COL7A1: variants seen among roughly 807,000 people sequenced by gnomAD.
The protein encoded by COL7A1 is collagen alpha-1(VII) chain.
COL7A1 carries 296 observed loss-of-function variants against 456.2 expected under a neutral mutation model. The observed-to-expected ratio is 0.65, with a 90% CI of 0.59 to 0.71. The LOEUF is 0.71. Among genes scored for constraint, COL7A1 ranks in the 30% least tolerant of loss-of-function variants. The pLI, the probability that COL7A1 is intolerant of heterozygous loss-of-function variation, is 0.00. For missense variants in COL7A1, 3,441 were observed against 4,017.2 expected (o/e 0.86, Z 3.88); for synonymous variants, 1,464 against 1,525.9 (o/e 0.96, Z 0.95).
In COL7A1 at chr3:48,571,191, C is replaced by G. The variant is rs750652908; in HGVS notation, c.7105-31G>C. The G allele has an allele frequency of 1.9e-6, 3 of 1,614,112 alleles. No individual in the cohort carries two copies. The highest frequency in any genetic ancestry group is 2.5e-6 in the Non-Finnish European group (3 of 1,180,030). Reference sequence around the variant, plus strand: ...AGGAAAAGAGGCATCGGATCAAGCTCAGGGAGTCTCACGACCAGGACCCCA... The same window carrying G: ...AGGAAAAGAGGCATCGGATCAAGCTGAGGGAGTCTCACGACCAGGACCCCA... On this transcript the variant is annotated intron_variant, in intron 93 of 118. Transcript: ENST00000681320. The surrounding 1 kb of genome is among the most constrained non-coding windows in gnomAD (Gnocchi z 4.6).
Position 48,569,298 on chromosome 3 carries a change from C to T in COL7A1, c.7686+77G>A, listed in dbSNP as rs2043766261. On this transcript the variant is annotated intron_variant, in intron 103 of 118. Transcript: ENST00000681320. This position sits in a 1 kb window ranked among gnomAD's most constrained non-coding sequence, Gnocchi z 4.9. ...CCAGAAAGCCTCCTCCTGTCCTCCC[C>T]TCCTGCCCTCACAGATGCTGTGGAA... 1 of 1,560,116 alleles carries T rather than the reference C, an allele frequency of 6.4e-7. No homozygotes were observed. The highest frequency in any genetic ancestry group is 8.8e-7 in the Non-Finnish European group (1 of 1,131,060).
Position 48,590,391 on chromosome 3 carries a change from C to T in COL7A1, c.1907-35G>A, listed in dbSNP as rs370933712. ...GAGGGAAATGCTGGCATGGCTCCTG[C>T]CTGTCCCCTCTGGCACCCATACCCT... is the stretch of plus-strand genomic sequence containing the variant. On this transcript the variant is annotated intron_variant, in intron 15 of 118. Coordinates refer to ENST00000681320, the MANE Select transcript of COL7A1 (RefSeq NM_000094.4). The surrounding 1 kb of genome is among the most constrained non-coding windows in gnomAD (Gnocchi z 4.6). 3.2e-5 allele frequency: 52 copies of T among 1,613,954 alleles called. No homozygotes were observed. The highest frequency in any genetic ancestry group is 4.2e-5 in the Non-Finnish European group (49 of 1,180,004).
chr3:48,580,596 T>A lies in COL7A1; in HGVS notation c.5037A>T (p.Gly1679=), dbSNP rs1215684759. The change falls in exon 55 of 119, where the codon GGA becomes GGT. Residue 1679 remains glycine, a synonymous_variant. Transcript: ENST00000681320. The surrounding 1 kb of genome is among the most constrained non-coding windows in gnomAD (Gnocchi z 4.5). ...TGGGACTCACATTTCGTCCATCCTC[T>A]CCAGGATCTCCCTGGTCTCCCTTTT... is the stretch of plus-strand genomic sequence containing the variant. ...VGEKGDQGDP[G]EDGRNGSPGS... 2.5e-6 allele frequency: 4 copies of A among 1,613,762 alleles called. No individual in the cohort carries two copies. In the African/African-American group the frequency reaches 5.3e-5, roughly 22 times the overall value.
At position 48,585,225 on chromosome 3, in the gene COL7A1, A is replaced by C; in HGVS notation, c.3895-109T>G. The C allele has an allele frequency of 9.2e-7, 1 of 1,081,936 alleles. No homozygotes were observed. Among genetic ancestry groups the C allele is most frequent in the South Asian group, 1.3e-5 (1 of 74,810 alleles). The allele number at this position is 1,081,936 out of a possible 1,614,324, so 67.0% of individuals were successfully genotyped here. A position where few individuals can be genotyped will look rare whatever the true frequency, so the allele number is the denominator to read the frequency against. On this transcript the variant is annotated intron_variant, in intron 32 of 118. Transcript: ENST00000681320. The surrounding 1 kb of genome is among the most constrained non-coding windows in gnomAD (Gnocchi z 4.5). ...GGGGTCGCCTACCCCACTGACCCCC[A>C]AGTGTTATTGGGGGTGGAACAGTGA...
rs375848391 is a variant in COL7A1, at chr3:48,569,562, G to A, written c.7614+30C>T. 17 of 1,613,542 alleles carry A rather than the reference G, an allele frequency of 1.1e-5. No individual in the cohort carries two copies. The highest frequency in any genetic ancestry group is 1.4e-5 in the Non-Finnish European group (16 of 1,179,794). The stretch of plus-strand genomic sequence containing the variant: ...CACGGGGTCCCTCTCGCACCCAGGG[G>A]AGACCCAGTCCACACGTGGGCCCAC... On this transcript the variant is annotated intron_variant, in intron 102 of 118. Coordinates refer to ENST00000681320, the MANE Select transcript of COL7A1 (RefSeq NM_000094.4). This position sits in a 1 kb window ranked among gnomAD's most constrained non-coding sequence, Gnocchi z 4.9.
chr3:48,568,990 G>A lies in COL7A1; in HGVS notation c.7687-135C>T. ...CTAGCAGCACGTCCTCCCAGCCTGT[G>A]CCATAGCGGGTGGAACTGGGGGCTG... On this transcript the variant is annotated intron_variant, in intron 103 of 118. Transcript: ENST00000681320. The surrounding 1 kb of genome is among the most constrained non-coding windows in gnomAD (Gnocchi z 5.2). The A allele has an allele frequency of 1.2e-6, 1 of 849,004 alleles. No individual in the cohort carries two copies. The highest frequency in any genetic ancestry group is 1.5e-5 in the South Asian group (1 of 68,312). The allele number at this position is 849,004 out of a possible 1,614,324, so 52.6% of individuals were successfully genotyped here.
chr3:48,578,401 C>T lies in COL7A1; in HGVS notation c.5488-36G>A, dbSNP rs112974191. 4.2e-5 allele frequency: 67 copies of T among 1,613,442 alleles called. No individual in the cohort carries two copies. The African/African-American group carries it at 4.8e-4, about 12-fold the overall frequency. On this transcript the variant is annotated intron_variant, in intron 64 of 118. Coordinates refer to ENST00000681320, the MANE Select transcript of COL7A1 (RefSeq NM_000094.4). This position sits in a 1 kb window ranked among gnomAD's most constrained non-coding sequence, Gnocchi z 4.7. ...AGATCACTGGTTGGATGTCGGGGAT[C>T]GGGTGAGGGTAGTAAGGGGGAAAAG...
At chr3:48,589,886 C>A (rs1368911581) in intron 16 of COL7A1, among the ~76,000 whole-genome samples, 168 bp from the exon 17 acceptor site, 1 of 151,994 alleles carries the variant, frequency 6.6e-6, no homozygotes, top group South Asian at 2.1e-4. Flanking sequence ...AAGCAGTGAG[C>A]AGGTCTGATG....
rs1560211389 is a variant in COL7A1, at chr3:48,573,744, GTC to G, written c.6538-21_6538-20del. 1 of 1,613,792 alleles carries G rather than the reference GTC, an allele frequency of 6.2e-7. No individual in the cohort carries two copies. The highest frequency in any genetic ancestry group is 8.5e-7 in the Non-Finnish European group (1 of 1,179,902). On this transcript the variant is annotated intron_variant, in intron 81 of 118. Transcript: ENST00000681320. This position sits in a 1 kb window ranked among gnomAD's most constrained non-coding sequence, Gnocchi z 5.5. ...GACCACCCTGTTGTGGCGAAAAAGA[GTC>G]TGATGAGGGGGAGTTAGCCGCACCC...
Position 48,595,057 on chromosome 3 carries a change from C to A in COL7A1, c.85+18G>T. ...ACGGTGCAGTGCCCCGGGCCGGGTC[C>A]TCCCTTGCGGTGCCCACCTCTCTCC... On this transcript the variant is annotated intron_variant, in intron 2 of 118. Coordinates refer to ENST00000681320, the MANE Select transcript of COL7A1 (RefSeq NM_000094.4). The A allele has an allele frequency of 6.5e-7, 1 of 1,543,444 alleles. No homozygotes were observed.
intron 18 of COL7A1, 143 bp from the exon 19 acceptor site, chr3:48,589,138 T>C (rs2045510078): frequency 1.3e-6 from 2 of 1,496,472 alleles, no homozygotes; most frequent in East Asian, 4.6e-5. Flanking sequence ...AGGAGGTCAG[T>C]GCCTTGGGGT....
Position 48,579,503 on chromosome 3 carries a change from A to G in COL7A1, c.5248T>C (p.Phe1750Leu), listed in dbSNP as rs2107698949. 6.2e-7 allele frequency: 1 copy of G among 1,613,946 alleles called. No homozygotes were observed. Among genetic ancestry groups the G allele is most frequent in the Non-Finnish European group, 8.5e-7 (1 of 1,179,980 alleles). ...ACCTGTGGGCCTGGGGGTCCCCGAA[A>G]CCCTTCAATGCCCTGAGGATAGGGG... ...GAPGERGIEG[F>L]RGPPGPQGDP... Residue 1750 changes from phenylalanine (F) to leucine (L), a missense_variant, in exon 60 of 119, where the codon TTT (phenylalanine) becomes CTT (leucine). Phe to Leu is a conservative substitution (Grantham distance 22). Around this residue, in one of 3 missense-constraint regions of COL7A1, gnomAD observed 2,084 missense variants for 2,501.3 expected, o/e 0.83. Coordinates refer to ENST00000681320, the MANE Select transcript of COL7A1 (RefSeq NM_000094.4). The surrounding 1 kb of genome is among the most constrained non-coding windows in gnomAD (Gnocchi z 4.4).
Position 48,565,298 on chromosome 3 carries a change from G to C in COL7A1, c.8528-97C>G. 6.7e-7 allele frequency: 1 copy of C among 1,482,652 alleles called. No homozygotes were observed. The highest frequency in any genetic ancestry group is 1.4e-5 in the African/African-American group (1 of 72,234). The allele number at this position is 1,482,652 out of a possible 1,614,324, so 91.8% of individuals were successfully genotyped here. A position where few individuals can be genotyped will look rare whatever the true frequency, so the allele number is the denominator to read the frequency against. On this transcript the variant is annotated intron_variant, in intron 116 of 118. Transcript: ENST00000681320. This position sits in a 1 kb window ranked among gnomAD's most constrained non-coding sequence, Gnocchi z 4.5. Reference sequence around the variant, plus strand: ...CACTGTGTGCACACAGTGCCCATGCGTGTGCCCTGCATGCAGACCCTACGT... The same window carrying C: ...CACTGTGTGCACACAGTGCCCATGCCTGTGCCCTGCATGCAGACCCTACGT...
At position 48,591,834 on chromosome 3, in the gene COL7A1, C is replaced by T. The variant is rs757349308; in HGVS notation, c.1358-12G>A. ...CGGTGGCTCCAAGCCTGCAAGATAA[C>T]AGGGTCAGACCAGCAGAGGCCATGC... On this transcript the variant is annotated splice_polypyrimidine_tract_variant and intron_variant, in intron 11 of 118. Coordinates refer to ENST00000681320, the MANE Select transcript of COL7A1 (RefSeq NM_000094.4). This position sits in a 1 kb window ranked among gnomAD's most constrained non-coding sequence, Gnocchi z 7.0. 1.7e-5 allele frequency: 27 copies of T among 1,614,072 alleles called. No homozygotes were observed. Among genetic ancestry groups the T allele is most frequent in the East Asian group, 1.3e-4 (6 of 44,902 alleles).
At position 48,570,356 on chromosome 3, in the gene COL7A1, G is replaced by A; in HGVS notation, c.7381-22C>T. ...CTCCCTGGAGACCAACAGGACACCG[G>A]GGATCAGTGAGGGGAATCAGTGGGG... On this transcript the variant is annotated intron_variant, in intron 97 of 118. Transcript: ENST00000681320. This position sits in a 1 kb window ranked among gnomAD's most constrained non-coding sequence, Gnocchi z 5.5. 1 of 1,614,080 alleles carries A rather than the reference G, an allele frequency of 6.2e-7. No individual in the cohort carries two copies. Among genetic ancestry groups the A allele is most frequent in the African/African-American group, 1.3e-5 (1 of 75,012 alleles).
Position 48,573,410 on chromosome 3 carries a change from C to T in COL7A1, c.6619-62G>A. The T allele has an allele frequency of 6.2e-7, 1 of 1,613,858 alleles. No individual in the cohort carries two copies. The highest frequency in any genetic ancestry group is 8.5e-7 in the Non-Finnish European group (1 of 1,179,820). ...CGTGGCCAGGGCTCCTGGAGCTCATCCTCATTGCAGGAGATGACAGCCCAG... is the reference window on the plus strand; with the variant it reads ...CGTGGCCAGGGCTCCTGGAGCTCATTCTCATTGCAGGAGATGACAGCCCAG... On this transcript the variant is annotated intron_variant, in intron 83 of 118. Transcript: ENST00000681320. The surrounding 1 kb of genome is among the most constrained non-coding windows in gnomAD (Gnocchi z 5.5).
Position 48,574,154 on chromosome 3 carries a change from G to A in COL7A1, c.6501+108C>T. On this transcript the variant is annotated intron_variant, in intron 80 of 118. Coordinates refer to ENST00000681320, the MANE Select transcript of COL7A1 (RefSeq NM_000094.4). This position sits in a 1 kb window ranked among gnomAD's most constrained non-coding sequence, Gnocchi z 5.0. ...GCAGGCACACACAGAGAGGCACACA[G>A]ACACAGGTACACACAAACACACACA... 7.1e-7 allele frequency: 1 copy of A among 1,407,698 alleles called. No homozygotes were observed. The highest frequency in any genetic ancestry group is 1.0e-6 in the Non-Finnish European group (1 of 1,001,232). 87.2% of individuals were successfully genotyped at this position (1,407,698 alleles called of 1,614,324 possible).
At position 48,581,229 on chromosome 3, in the gene COL7A1, C is replaced by T. The variant is rs370500985; in HGVS notation, c.4899+31G>A. ...CTGGCAACAGCCCTACTCCCTTACC[C>T]GCCATGACTCCCCCGACTCCAGCCT... is the stretch of plus-strand genomic sequence containing the variant. On this transcript the variant is annotated intron_variant, in intron 52 of 118. Transcript: ENST00000681320. The surrounding 1 kb of genome is among the most constrained non-coding windows in gnomAD (Gnocchi z 5.8). 2.5e-5 allele frequency: 40 copies of T among 1,612,124 alleles called. No homozygotes were observed. The highest frequency in any genetic ancestry group is 2.9e-5 in the Non-Finnish European group (34 of 1,179,312).
In COL7A1 at chr3:48,587,297, C is replaced by T; in HGVS notation, c.3032G>A (p.Ser1011Asn). The stretch of plus-strand genomic sequence containing the variant: ...CTCTAGCCCTGTCACCCGCTGGGAG[C>T]TTGAGATCCCTGGAAGTGTCTGCGG... ...GSPQTLPGIS[S>N]SQRVTGLEPG... is the part of the protein sequence containing the mutation. Residue 1011 changes from serine to asparagine, a missense_variant, in exon 24 of 119, where the codon AGC becomes AAC. By Grantham distance (46) the Ser-to-Asn change is conservative (BLOSUM62 1). Coordinates refer to ENST00000681320, the MANE Select transcript of COL7A1 (RefSeq NM_000094.4). The surrounding 1 kb of genome is among the most constrained non-coding windows in gnomAD (Gnocchi z 6.1). 6.2e-7 allele frequency: 1 copy of T among 1,604,892 alleles called. No homozygotes were observed. Among genetic ancestry groups the T allele is most frequent in the Non-Finnish European group, 8.5e-7 (1 of 1,175,568 alleles).
Sources: allele counts gnomAD v4.1 joint callset (sites outside exome capture counted in the v4.1 genomes callset), GRCh38; gene constraint gnomAD v4.1.1; regional missense constraint gnomAD v4.1.1; non-coding constraint Gnocchi (gnomAD v3.1); transcripts MANE v1.5; gene names NCBI Gene and HGNC (gene_info 2026-07-23, HGNC 2026-07-21).